Variants in ASH1L observed in about 807,000 individuals in gnomAD.
ASH1L encodes histone-lysine N-methyltransferase ASH1L.
ASH1L carries 23 observed loss-of-function variants against 269.0 expected under a neutral mutation model. That is an observed-to-expected ratio of 0.09 (90% CI 0.06 to 0.12). The LOEUF (loss-of-function observed/expected upper bound fraction) is 0.12. ASH1L is among the 10% of genes least tolerant of loss of function. ASH1L has a pLI of 1.00. For synonymous variants in ASH1L, 1,187 were observed against 1,253.5 expected, an observed-to-expected ratio of 0.95 and a Z score of 1.12; for missense variants, 2,912 against 3,567.8, an observed-to-expected ratio of 0.82 and a Z score of 4.68.
chr1:155,510,232 G>A (rs1571020437), intron 2 of ASH1L, among the ~76,000 whole-genome samples: 1 of 151,722 alleles, frequency 6.6e-6, no homozygotes, highest in Non-Finnish European at 1.5e-5. Flanking sequence ...TGACCAATTT[G>A]GAGAAACCCT....
intron 16 of ASH1L, among the ~76,000 whole-genome samples, chr1:155,353,622 G>A (rs1196609568): frequency 6.6e-6 from 1 of 152,156 alleles, no homozygotes; most frequent in Non-Finnish European, 1.5e-5. Flanking sequence ...CAGGAGTGCT[G>A]TTATTGAAGG....
At chr1:155,434,604 G>A (rs1661927227) in intron 5 of ASH1L, among the ~76,000 whole-genome samples, 1 of 151,882 alleles carries the variant, frequency 6.6e-6, no homozygotes, top group Non-Finnish European at 1.5e-5. Context: ...TGTAATCCCA[G>A]CACTTCGGGA....
At chr1:155,416,652 C>T (rs1348323173) in intron 5 of ASH1L, among the ~76,000 whole-genome samples, 4 of 152,000 alleles carry the variant, frequency 2.6e-5, no homozygotes, top group Admixed American at 2.6e-4. Flanking sequence ...TCTCCTGCCT[C>T]AGCCTCCTGA....
At position 155,338,385 on chromosome 1, in the gene ASH1L, G is replaced by A; in HGVS notation, c.8507C>T (p.Ser2836Phe). ...TGGCTTTGAGCGCTCAGACTTCCAG[G>A]ATGATCTGCCAGAAGGATATCTGAA... Reference protein sequence around the residue: ...DNYKRNGGRSSWKSERSKPPL... With the variant: ...DNYKRNGGRSFWKSERSKPPL... Residue 2836 changes from serine to phenylalanine, a missense_variant, in exon 27 of 28, where the codon TCC (serine) becomes TTC (phenylalanine). Coordinates refer to ENST00000392403, the MANE Select transcript of ASH1L (RefSeq NM_018489.3). The A allele has an allele frequency of 6.2e-7, 1 of 1,611,898 alleles. No homozygotes were observed. Among genetic ancestry groups the A allele is most frequent in the Non-Finnish European group, 8.5e-7 (1 of 1,178,564 alleles).
At position 155,438,898 on chromosome 1, in the gene ASH1L, G is replaced by A; in HGVS notation, c.5257C>T (p.His1753Tyr). ...TTTCCCAGGGTTCGGTCCTTGCTGT[G>A]GCTACGGCCTGGACTGGAAGAAGGT... ...APPSSSPGRS[H>Y]SKDRTLGKPD... The change falls in exon 5 of 28, where the codon CAC becomes TAC. Residue 1753 changes from histidine to tyrosine, a missense_variant. By Grantham distance (83) the His-to-Tyr change is moderately conservative (BLOSUM62 2). Transcript: ENST00000392403. The A allele has an allele frequency of 6.2e-7, 1 of 1,614,116 alleles. No homozygotes were observed. Among genetic ancestry groups the A allele is most frequent in the Non-Finnish European group, 8.5e-7 (1 of 1,180,040 alleles).
At chr1:155,467,417 T>C (rs1664774455) in intron 3 of ASH1L, among the ~76,000 whole-genome samples, 1 of 152,234 alleles carries the variant, frequency 6.6e-6, no homozygotes, top group African/African-American at 2.4e-5. Flanking sequence ...GCTGATTTTA[T>C]AGCTGTTAGT....
chr1:155,545,808 G>A (rs1206240255), intron 1 of ASH1L, among the ~76,000 whole-genome samples: 1 of 151,866 alleles, frequency 6.6e-6, no homozygotes, highest in Non-Finnish European at 1.5e-5. Flanking sequence ...ATCACTTAAG[G>A]TCAAGAGTTT....
At chr1:155,406,185 C>CA (rs1350335918) in intron 6 of ASH1L, among the ~76,000 whole-genome samples, 1 of 126,920 alleles carries the variant, frequency 7.9e-6, no homozygotes, top group Non-Finnish European at 1.6e-5. Flanking sequence ...GCCTGGGCGA[C>CA]AGAGTGAGAC....
At chr1:155,532,825 A>G (rs916812535) in intron 1 of ASH1L, among the ~76,000 whole-genome samples, 1 of 149,042 alleles carries the variant, frequency 6.7e-6, no homozygotes, top group Non-Finnish European at 1.5e-5. Flanking sequence ...TCTGTCTCAA[A>G]AAAAAAAAAA....
chr1:155,465,332 T>C (rs554732569), intron 3 of ASH1L, among the ~76,000 whole-genome samples: 1 of 148,638 alleles, frequency 6.7e-6, no homozygotes, highest in Admixed American at 6.7e-5. Context: ...AAATCAATAG[T>C]TGGTTGGACA....
chr1:155,559,059 GTC>G (rs1300931652), intron 1 of ASH1L, among the ~76,000 whole-genome samples: 1 of 151,958 alleles, frequency 6.6e-6, no homozygotes, highest in African/African-American at 2.4e-5. Context: ...GGCCAGGCTG[GTC>G]TCAAACTCCT....
At chr1:155,553,120 T>C (rs1671329350) in intron 1 of ASH1L, among the ~76,000 whole-genome samples, 1 of 152,184 alleles carries the variant, frequency 6.6e-6, no homozygotes, top group Non-Finnish European at 1.5e-5. Flanking sequence ...GAGTCTATGA[T>C]CTTAATGACT....
chr1:155,496,267 C>T (rs1438209523), intron 2 of ASH1L, among the ~76,000 whole-genome samples: 1 of 152,172 alleles, frequency 6.6e-6, no homozygotes, highest in Non-Finnish European at 1.5e-5. Context: ...TCAGGATCAT[C>T]AAGACATCAT....
At chr1:155,382,391 G>C (rs1050982267) in intron 7 of ASH1L, among the ~76,000 whole-genome samples, 1 of 151,394 alleles carries the variant, frequency 6.6e-6, no homozygotes, top group Non-Finnish European at 1.5e-5. Flanking sequence ...CCAGCTACTC[G>C]GGAGGCTGAG....
At chr1:155,368,540 C>A (rs1655644262) in intron 12 of ASH1L, among the ~76,000 whole-genome samples, 1 of 152,102 alleles carries the variant, frequency 6.6e-6, no homozygotes, top group Non-Finnish European at 1.5e-5. Context: ...TCACTGCAAC[C>A]TCCGCCTCGC....
chr1:155,557,627 C>G (rs1034581234), intron 1 of ASH1L, among the ~76,000 whole-genome samples: 9 of 152,060 alleles, frequency 5.9e-5, no homozygotes, highest in African/African-American at 2.2e-4. Context: ...CACATTCTGC[C>G]AATTACAGGC....
chr1:155,437,837 G>A (rs72993417), intron 5 of ASH1L, among the ~76,000 whole-genome samples: 3 of 152,220 alleles, frequency 2.0e-5, no homozygotes, highest in Non-Finnish European at 4.4e-5. Flanking sequence ...CAGAGTGGAT[G>A]GTTACTTGCC....
At chr1:155,391,727 G>A (rs919247790) in intron 7 of ASH1L, among the ~76,000 whole-genome samples, 5 of 152,096 alleles carry the variant, frequency 3.3e-5, no homozygotes, top group Non-Finnish European at 5.9e-5. Context: ...GGCTGAGGTG[G>A]GCAAACTGCT....
intron 5 of ASH1L, among the ~76,000 whole-genome samples, chr1:155,436,453 A>G (rs1036761024): frequency 6.1e-5 from 9 of 148,284 alleles, no homozygotes; most frequent in Non-Finnish European, 1.2e-4. Flanking sequence ...CAGCCTCCCA[A>G]AGTGCTGGGA....
Sources: gnomAD v4.1 joint callset for allele counts (sites outside exome capture counted in the v4.1 genomes callset) on GRCh38, gnomAD v4.1.1 for gene constraint, MANE v1.5 for transcripts, NCBI Gene and HGNC (gene_info 2026-07-23, HGNC 2026-07-21) for gene names.